The following FGFR2 variants were observed in gnomAD, a reference collection of about 807,000 sequenced individuals.
FGFR2 encodes fibroblast growth factor receptor 2, also known as BEK fibroblast growth factor receptor.
FGFR2 carries 19 observed loss-of-function variants against 95.9 expected under a neutral mutation model. The ratio of observed to expected loss-of-function variants is 0.20; its 90% CI spans 0.14 to 0.29. FGFR2 has a LOEUF of 0.29. Ranked by LOEUF, FGFR2 falls within the 10% of genes least tolerant of loss-of-function variation. FGFR2 has a pLI of 1.00. For synonymous variants in FGFR2, 392 were observed against 393.3 expected (o/e 1.00, Z 0.04); for missense variants, 707 against 1,056.9 (o/e 0.67, Z 4.59).
At chr10:121,508,626 T>C (rs1848626440) in intron 9 of FGFR2, among the ~76,000 whole-genome samples, 2 of 152,218 alleles carry the variant, frequency 1.3e-5, no homozygotes, top group Non-Finnish European at 2.9e-5. Context: ...TTATCAACTT[T>C]ATTGTCATTA....
intron 2 of FGFR2, among the ~76,000 whole-genome samples, chr10:121,569,224 C>CTTTTCTT (rs1471264618): frequency 2.4e-5 from 2 of 83,820 alleles, no homozygotes; most frequent in African/African-American, 1.0e-4. Context: ...CTTTTCTTTT[C>CTTTTCTT]TTTTTTTTTT....
At chr10:121,566,047 A>T in intron 2 of FGFR2, 1 of 407,034 alleles carries the variant, frequency 2.5e-6, no homozygotes. Context: ...AAAATCTGTT[A>T]TTGTGGTATG....
At chr10:121,536,982 G>A (rs1852927121) in intron 6 of FGFR2, among the ~76,000 whole-genome samples, 1 of 152,176 alleles carries the variant, frequency 6.6e-6, no homozygotes, top group Non-Finnish European at 1.5e-5. Context: ...CCAGGTAAAG[G>A]CCAAGTCATA....
chr10:121,572,627 A>C (rs536481567), intron 2 of FGFR2, among the ~76,000 whole-genome samples: 1 of 152,316 alleles, frequency 6.6e-6, no homozygotes, highest in East Asian at 1.9e-4. Flanking sequence ...TCAAACAAAA[A>C]AAAAACACAA....
chr10:121,515,936 A>C (rs1849653214), intron 8 of FGFR2, among the ~76,000 whole-genome samples: 1 of 151,518 alleles, frequency 6.6e-6, no homozygotes, highest in Non-Finnish European at 1.5e-5. Flanking sequence ...TATAATATAG[A>C]ACCATTAGAT....
chr10:121,491,873 CA>C (rs149016265), intron 13 of FGFR2, among the ~76,000 whole-genome samples: 78 of 128,498 alleles, frequency 6.1e-4, no homozygotes, highest in African/African-American at 9.7e-4. Flanking sequence ...CTGTCTCAAC[CA>C]AAAAAAAAAA....
intron 9 of FGFR2, among the ~76,000 whole-genome samples, chr10:121,513,581 T>C (rs879437575): frequency 7.9e-5 from 12 of 152,312 alleles, no homozygotes; most frequent in Admixed American, 7.2e-4. Flanking sequence ...AAAAAAATAA[T>C]AGAAACCATG....
At chr10:121,526,947 A>C (rs963668955) in intron 6 of FGFR2, 1 of 392,818 alleles carries the variant, frequency 2.5e-6, no homozygotes, top group Non-Finnish European at 4.5e-6. Flanking sequence ...TTGCAGAGAG[A>C]GTGAAGTCTG....
chr10:121,561,580 C>T (rs1406215801), intron 4 of FGFR2, among the ~76,000 whole-genome samples: 1 of 152,000 alleles, frequency 6.6e-6, no homozygotes, highest in East Asian at 1.9e-4. Flanking sequence ...ATACAAAATA[C>T]AAAACAATAA....
At chr10:121,501,529 T>C (rs1847603111) in intron 10 of FGFR2, among the ~76,000 whole-genome samples, 3 of 152,264 alleles carry the variant, frequency 2.0e-5, no homozygotes, top group East Asian at 1.9e-4. Context: ...AAATTAACAA[T>C]GAAGAAAATC....
At chr10:121,498,642 T>A in intron 11 of FGFR2, 37 bp from the exon 12 acceptor site, 1 of 1,552,358 alleles carries the variant, frequency 6.4e-7, no homozygotes, top group Non-Finnish European at 8.9e-7. Context: ...TCAGTTCATT[T>A]CCTCTAACTC....
intron 4 of FGFR2, among the ~76,000 whole-genome samples, chr10:121,563,526 T>C (rs1048547140): frequency 2.0e-5 from 3 of 152,322 alleles, no homozygotes; most frequent in Admixed American, 1.3e-4. Context: ...ACAAACACTT[T>C]AGGAACATTC....
At chr10:121,509,477 C>CTTTTTTTT (rs1589800962) in intron 9 of FGFR2, among the ~76,000 whole-genome samples, 1 of 45,894 alleles carries the variant, frequency 2.2e-5, no homozygotes, top group Non-Finnish European at 4.6e-5. Flanking sequence ...TTATCTGTTT[C>CTTTTTTTT]TTTTCTTTTT....
chr10:121,552,456 A>G (rs2134866038), intron 4 of FGFR2, among the ~76,000 whole-genome samples: 1 of 152,344 alleles, frequency 6.6e-6, no homozygotes, highest in African/African-American at 2.4e-5. Context: ...TTGGCTTCCA[A>G]GTGGGGAAAC....
chr10:121,491,990 C>T (rs1171694252), intron 13 of FGFR2, among the ~76,000 whole-genome samples: 1 of 151,758 alleles, frequency 6.6e-6, no homozygotes, highest in Non-Finnish European at 1.5e-5. Context: ...ACCAGCCTGG[C>T]CAACATGGTA....
intron 5 of FGFR2, among the ~76,000 whole-genome samples, chr10:121,548,086 G>A (rs1854784904): frequency 6.6e-6 from 1 of 151,966 alleles, no homozygotes; most frequent in Non-Finnish European, 1.5e-5. Context: ...GTTGTGAAAA[G>A]CCCTTGATCA....
intron 5 of FGFR2, among the ~76,000 whole-genome samples, chr10:121,542,717 G>A (rs527754247): frequency 5.9e-5 from 9 of 152,210 alleles, no homozygotes; most frequent in East Asian, 1.9e-4. Context: ...TACAAGAAGC[G>A]GATTCCATGA....
In FGFR2 at chr10:121,479,329, A is replaced by G. The variant is rs1446105632; in HGVS notation, c.*528T>C. 1.1e-5 allele frequency: 3 copies of G among 272,382 alleles called. No individual in the cohort carries two copies. The highest frequency in any genetic ancestry group is 2.0e-5 in the Non-Finnish European group (3 of 146,892). The allele number at this position is 272,382 out of a possible 1,614,324, so 16.9% of individuals were successfully genotyped here. The stretch of plus-strand genomic sequence containing the variant: ...GAAAATTAAGAAATTATGTGTAAGA[A>G]CAGCATTTAGCAAATAGCTATTAAA... On this transcript the variant is annotated 3_prime_UTR_variant, in exon 18 of 18. Transcript: ENST00000358487.
intron 13 of FGFR2, among the ~76,000 whole-genome samples, chr10:121,489,374 CCT>C (rs1413417874): frequency 2.0e-5 from 3 of 152,008 alleles, no homozygotes; most frequent in African/African-American, 7.2e-5. Flanking sequence ...ACACCCAGCC[CCT>C]CTGTTTAGTT....
Sources: allele counts gnomAD v4.1 joint callset (sites outside exome capture counted in the v4.1 genomes callset), GRCh38; gene constraint gnomAD v4.1.1; transcripts MANE v1.5; gene names NCBI Gene and HGNC (gene_info 2026-07-23, HGNC 2026-07-21).